Variants in CCSER2 observed in about 807,000 individuals in gnomAD.
CCSER2 encodes serine-rich coiled-coil domain-containing protein 2.
In CCSER2, 46 loss-of-function variants were observed where a neutral mutation model predicts 92.3. That is an observed-to-expected ratio of 0.50 (90% CI 0.39 to 0.64). The LOEUF (loss-of-function observed/expected upper bound fraction) is 0.64, where lower values mean the gene tolerates loss of function less well. Among genes scored for constraint, CCSER2 ranks in the 30% least tolerant of loss-of-function variants. The pLI is 0.00. For synonymous variants in CCSER2, 433 were observed against 431.4 expected (o/e 1.00, Z -0.04); for missense variants, 1,244 against 1,238.9 (o/e 1.00, Z -0.06).
chr10:84,455,856 C>T (rs560283872), intron 6 of CCSER2: 75 of 745,654 alleles, frequency 1.0e-4, no homozygotes, highest in South Asian at 4.6e-4. Flanking sequence ...CCCATTGTAA[C>T]GGGAGCAACC....
chr10:84,442,420 G>A (rs1270460734), intron 6 of CCSER2, among the ~76,000 whole-genome samples: 1 of 152,084 alleles, frequency 6.6e-6, no homozygotes, highest in Non-Finnish European at 1.5e-5. Flanking sequence ...AATGGAAAGG[G>A]GAGATTGTTG....
At chr10:84,442,682 G>C (rs542291621) in intron 6 of CCSER2, among the ~76,000 whole-genome samples, 1 of 152,324 alleles carries the variant, frequency 6.6e-6, no homozygotes, top group Admixed American at 6.5e-5. Flanking sequence ...CCAGTGATCA[G>C]TTAATTAACT....
At chr10:84,477,478 CTT>C in intron 8 of CCSER2, 95 bp from the exon 9 acceptor site, 1 of 589,482 alleles carries the variant, frequency 1.7e-6, no homozygotes. Flanking sequence ...TTGCTTGTCT[CTT>C]AGGTGTTTTA....
At chr10:84,496,937 G>C (rs944986570) in intron 9 of CCSER2, among the ~76,000 whole-genome samples, 1 of 152,160 alleles carries the variant, frequency 6.6e-6, no homozygotes, top group African/African-American at 2.4e-5. Context: ...AAAGGGAGAA[G>C]TATGTCTACT....
intron 6 of CCSER2, among the ~76,000 whole-genome samples, chr10:84,439,903 T>A (rs561666521): frequency 6.6e-6 from 1 of 152,142 alleles, no homozygotes; most frequent in Non-Finnish European, 1.5e-5. Flanking sequence ...ATTTTTTGAT[T>A]AGGAGTTTTA....
intron 9 of CCSER2, among the ~76,000 whole-genome samples, chr10:84,511,964 G>T (rs1006663727): frequency 2.0e-5 from 3 of 152,068 alleles, no homozygotes; most frequent in Non-Finnish European, 2.9e-5. Context: ...TCTGCAATAC[G>T]ATTTGATGTG....
At chr10:84,403,708 G>A (rs961080558) in intron 3 of CCSER2, among the ~76,000 whole-genome samples, 2 of 152,212 alleles carry the variant, frequency 1.3e-5, no homozygotes, top group South Asian at 2.1e-4. Flanking sequence ...TTAGGAAATT[G>A]CAAATTAAAA....
chr10:84,495,929 A>C (rs1487580546), intron 9 of CCSER2, among the ~76,000 whole-genome samples: 2 of 150,378 alleles, frequency 1.3e-5, no homozygotes, highest in African/African-American at 2.4e-5. Context: ...CTTTATATTT[A>C]ATGTAATTTT....
rs1849610187 is a variant in CCSER2, at chr10:84,516,751, C to T, written c.*2484C>T. The T allele has an allele frequency of 6.6e-6, 1 of 151,574 alleles. No individual in the cohort carries two copies. The highest frequency in any genetic ancestry group is 1.5e-5 in the Non-Finnish European group (1 of 67,900). 9.4% of individuals were successfully genotyped at this position (151,574 alleles called of 1,614,324 possible). A position where few individuals can be genotyped will look rare whatever the true frequency, so the allele number is the denominator to read the frequency against. On this transcript the variant is annotated 3_prime_UTR_variant, in exon 10 of 10. Transcript: ENST00000372088. ...TTACTCCATTTTTCTCTATTTTTTC[C>T]TTCCCTGATGGATTTGCAGAAATGT...
intron 9 of CCSER2, among the ~76,000 whole-genome samples, chr10:84,479,601 G>T (rs182474298): frequency 6.6e-6 from 1 of 152,282 alleles, no homozygotes; most frequent in Non-Finnish European, 1.5e-5. Context: ...CCTACTTCAT[G>T]CCAGGCACTG....
At chr10:84,341,183 C>T (rs184164529) in intron 1 of CCSER2, among the ~76,000 whole-genome samples, 1 of 151,586 alleles carries the variant, frequency 6.6e-6, no homozygotes, top group East Asian at 2.0e-4. Context: ...AAGCGTGTGC[C>T]ACCATGCCCA....
intron 1 of CCSER2, among the ~76,000 whole-genome samples, chr10:84,353,432 A>G (rs887185495): frequency 4.6e-5 from 7 of 152,098 alleles, no homozygotes; most frequent in African/African-American, 1.7e-4. Flanking sequence ...TAGGCTATTG[A>G]GTATATGTTG....
chr10:84,428,174 G>A (rs1215383001), intron 5 of CCSER2, among the ~76,000 whole-genome samples: 1 of 152,110 alleles, frequency 6.6e-6, no homozygotes, highest in Non-Finnish European at 1.5e-5. Flanking sequence ...CAACCTTTTT[G>A]GCACCAAGGA....
chr10:84,491,158 G>T (rs902710569), intron 9 of CCSER2, among the ~76,000 whole-genome samples: 1 of 152,224 alleles, frequency 6.6e-6, no homozygotes, highest in African/African-American at 2.4e-5. Flanking sequence ...CTACTGGGGG[G>T]TGCCTCCCAG....
At chr10:84,332,592 C>T (rs978702213) in intron 1 of CCSER2, among the ~76,000 whole-genome samples, 2 of 151,020 alleles carry the variant, frequency 1.3e-5, no homozygotes, top group Non-Finnish European at 3.0e-5. Context: ...GCACGCGCCA[C>T]CACGCCTGCC....
intron 3 of CCSER2, among the ~76,000 whole-genome samples, chr10:84,405,747 C>A (rs1295432919): frequency 6.6e-6 from 1 of 152,172 alleles, no homozygotes; most frequent in Non-Finnish European, 1.5e-5. Flanking sequence ...TGCTGAGACA[C>A]CACTGCACAC....
At chr10:84,457,322 TATATATA>T (rs1845758884) in intron 6 of CCSER2, among the ~76,000 whole-genome samples, 1 of 68,362 alleles carries the variant, frequency 1.5e-5, no homozygotes, top group Non-Finnish European at 2.7e-5. Context: ...TATAATATAT[TATATATA>T]ATATATTATA....
intron 6 of CCSER2, among the ~76,000 whole-genome samples, chr10:84,443,322 A>C (rs1380997560): frequency 6.6e-5 from 10 of 152,212 alleles, no homozygotes; most frequent in Non-Finnish European, 5.9e-5. Flanking sequence ...ACCCCATCAA[A>C]AAGTGGGCAA....
intron 9 of CCSER2, among the ~76,000 whole-genome samples, chr10:84,489,291 G>A (rs1043026684): frequency 4.6e-5 from 7 of 151,952 alleles, no homozygotes; most frequent in Admixed American, 2.0e-4. Context: ...CCTGGATCTC[G>A]TTGTTAACTT....
Sources: allele counts gnomAD v4.1 joint callset (sites outside exome capture counted in the v4.1 genomes callset), GRCh38; gene constraint gnomAD v4.1.1; transcripts MANE v1.5; gene names NCBI Gene and HGNC (gene_info 2026-07-23, HGNC 2026-07-21).